The following ENTREP2 variants were observed in gnomAD, a reference collection of about 807,000 sequenced individuals.
ENTREP2 encodes the protein protein ENTREP2.
the ENTREP2 span, among the ~76,000 whole-genome samples, chr15:29,307,527 T>G: frequency 6.6e-6 from 1 of 152,226 alleles, no homozygotes; most frequent in Non-Finnish European, 1.5e-5. Context: ...AAATTAGATT[T>G]AGAGAAAAAA....
At chr15:29,178,478 T>G in the ENTREP2 span, among the ~76,000 whole-genome samples, 2 of 152,096 alleles carry the variant, frequency 1.3e-5, no homozygotes, top group Non-Finnish European at 2.9e-5. Context: ...TCTGGACTAA[T>G]TGCTAGTCAG....
the ENTREP2 span, among the ~76,000 whole-genome samples, chr15:29,594,760 C>G: frequency 6.6e-6 from 1 of 151,938 alleles, no homozygotes; most frequent in South Asian, 2.1e-4. Flanking sequence ...GTCAGGAATT[C>G]GAGACAAGCA....
the ENTREP2 span, among the ~76,000 whole-genome samples, chr15:29,496,826 C>T: frequency 1.3e-5 from 2 of 152,152 alleles, no homozygotes; most frequent in Admixed American, 1.3e-4. Context: ...GATTTCTACA[C>T]ATATATTCAT....
the ENTREP2 span, among the ~76,000 whole-genome samples, chr15:29,256,188 G>A: frequency 4.1e-4 from 62 of 152,218 alleles, no homozygotes; most frequent in Non-Finnish European, 7.6e-4. Flanking sequence ...GACTCCAACC[G>A]GAGGTTGGGG....
the ENTREP2 span, among the ~76,000 whole-genome samples, chr15:29,299,213 T>A: frequency 6.6e-6 from 1 of 152,234 alleles, no homozygotes; most frequent in Non-Finnish European, 1.5e-5. Flanking sequence ...TTAGGAGTTT[T>A]GGCTACAGCT....
the ENTREP2 span, among the ~76,000 whole-genome samples, chr15:29,328,988 G>A: frequency 6.6e-6 from 1 of 152,096 alleles, no homozygotes; most frequent in South Asian, 2.1e-4. Flanking sequence ...TGTATACTAT[G>A]TGTTTTCCTA....
chr15:29,442,330 A>G, the ENTREP2 span, among the ~76,000 whole-genome samples: 1 of 152,112 alleles, frequency 6.6e-6, no homozygotes, highest in South Asian at 2.1e-4. Flanking sequence ...CCAGCAAGCT[A>G]CTCTGACTTG....
the ENTREP2 span, among the ~76,000 whole-genome samples, chr15:29,391,877 T>G: frequency 1.3e-5 from 2 of 152,386 alleles, no homozygotes; most frequent in Admixed American, 6.5e-5. Context: ...CAGGCTGGAG[T>G]GCAGTGACAC....
chr15:29,277,811 T>C, the ENTREP2 span, among the ~76,000 whole-genome samples: 1 of 152,146 alleles, frequency 6.6e-6, no homozygotes, highest in Non-Finnish European at 1.5e-5. Flanking sequence ...AGAAACCTCA[T>C]TCTTCCAGAC....
chr15:29,158,624 C>T, the ENTREP2 span, among the ~76,000 whole-genome samples: 3 of 152,080 alleles, frequency 2.0e-5, no homozygotes, highest in Admixed American at 1.3e-4. Context: ...GTTGGCTAGG[C>T]TATCTCTGCT....
chr15:29,329,159 G>A, the ENTREP2 span, among the ~76,000 whole-genome samples: 4 of 151,952 alleles, frequency 2.6e-5, no homozygotes, highest in East Asian at 5.8e-4. Context: ...TCAGGGGATC[G>A]AGACCATCCT....
chr15:29,324,616 T>C, the ENTREP2 span, among the ~76,000 whole-genome samples: 1 of 152,154 alleles, frequency 6.6e-6, no homozygotes, highest in Non-Finnish European at 1.5e-5. Context: ...CCAATATTAG[T>C]TTCAGAGAAA....
At chr15:29,459,358 C>A in the ENTREP2 span, among the ~76,000 whole-genome samples, 17 of 152,104 alleles carry the variant, frequency 1.1e-4, no homozygotes, top group Non-Finnish European at 2.5e-4. Context: ...TGGGAGGGTA[C>A]ATTTCCTGGG....
chr15:29,607,956 G>T, the ENTREP2 span, among the ~76,000 whole-genome samples: 2 of 152,092 alleles, frequency 1.3e-5, no homozygotes, highest in Non-Finnish European at 2.9e-5. Flanking sequence ...AAGGAGAGCC[G>T]GTCCGAGTCC....
At chr15:29,348,355 T>C in the ENTREP2 span, among the ~76,000 whole-genome samples, 1 of 152,118 alleles carries the variant, frequency 6.6e-6, no homozygotes, top group Admixed American at 6.5e-5. Flanking sequence ...GCAGCAATGT[T>C]GAACGGGTCT....
chr15:29,619,969 G>A, the ENTREP2 span, among the ~76,000 whole-genome samples: 5 of 152,104 alleles, frequency 3.3e-5, no homozygotes, highest in Admixed American at 2.0e-4. Context: ...CAGCTTTCCC[G>A]CATCTCAGTC....
the ENTREP2 span, among the ~76,000 whole-genome samples, chr15:29,656,705 C>T: frequency 2.6e-5 from 4 of 152,102 alleles, no homozygotes; most frequent in South Asian, 2.1e-4. Flanking sequence ...ACCAAATGCT[C>T]GCAAGGACGT....
chr15:29,162,040 G>C, the ENTREP2 span, among the ~76,000 whole-genome samples: 1,394 of 152,294 alleles, frequency 9.2e-3, 20 homozygotes, highest in African/African-American at 0.031. Flanking sequence ...AAACACACAC[G>C]CCCACTGGAG....
the ENTREP2 span, among the ~76,000 whole-genome samples, chr15:29,219,135 T>C: frequency 9.3e-5 from 14 of 150,578 alleles, no homozygotes; most frequent in East Asian, 2.7e-3. Context: ...AACAATCCCA[T>C]CAAAAAGTGG....
Sources: allele counts gnomAD v4.1 joint callset (sites outside exome capture counted in the v4.1 genomes callset), GRCh38; gene constraint gnomAD v4.1.1; transcripts MANE v1.5; gene names NCBI Gene and HGNC (gene_info 2026-07-23, HGNC 2026-07-21).